The following SPG11 variants were observed in gnomAD, a reference collection of about 807,000 sequenced individuals.
The protein encoded by SPG11 is SPG11 vesicle trafficking associated, spatacsin.
In SPG11, 222 loss-of-function variants were observed where a neutral mutation model predicts 274.0. The ratio of observed to expected loss-of-function variants is 0.81; its 90% confidence interval spans 0.73 to 0.91. SPG11 has a LOEUF of 0.91. Ranked by LOEUF, SPG11 falls within the 40% of genes least tolerant of loss-of-function variation. The pLI is 0.00. For synonymous variants in SPG11, 1,144 were observed against 1,039.7 expected (o/e 1.10, Z -1.93); for missense variants, 3,114 against 2,872.7 (o/e 1.08, Z -1.92).
At chr15:44,594,596 G>GA (rs35547796) in intron 26 of SPG11, among the ~76,000 whole-genome samples, 2,038 of 71,002 alleles carry the variant, frequency 0.029, 50 homozygotes, top group Non-Finnish European at 0.032. Context: ...TTAAAAATGC[G>GA]AAAAAAAAAA....
At position 44,596,115 on chromosome 15, in the gene SPG11, G is replaced by C. The variant is rs2083030697; in HGVS notation, c.4402C>G (p.Pro1468Ala). 6.2e-7 allele frequency: 1 copy of C among 1,613,868 alleles called. No individual in the cohort carries two copies. Among genetic ancestry groups the C allele is most frequent in the Non-Finnish European group, 8.5e-7 (1 of 1,180,030 alleles). The change falls in exon 25 of 40, where the codon CCT (proline) becomes GCT (alanine). Residue 1468 changes from proline (P) to alanine (A), a missense_variant. Coordinates refer to ENST00000261866, the MANE Select transcript of SPG11 (RefSeq NM_025137.4). The stretch of plus-strand genomic sequence containing the variant: ...CATGAGGCCAGAACACTGAGGATAG[G>C]GGCCTGTTGTTTCACTGCTTCAACC... The part of the protein sequence containing the change: ...LLVEAVKQQA[P>A]ILSVLASCLQ...
intron 7 of SPG11, among the ~76,000 whole-genome samples, chr15:44,635,034 G>C (rs766609829): frequency 1.9e-4 from 28 of 150,910 alleles, no homozygotes; most frequent in African/African-American, 6.8e-4. Context: ...TGGCTAACAC[G>C]GTGAAACCCC....
chr15:44,659,204 C>G lies in SPG11; in HGVS notation c.542G>C (p.Arg181Thr). The G allele has an allele frequency of 6.2e-7, 1 of 1,614,178 alleles. No individual in the cohort carries two copies. The highest frequency in any genetic ancestry group is 8.5e-7 in the Non-Finnish European group (1 of 1,180,006). ...GTTGAGTACTCTAATTGCAGCATCTCTTTCAGGAAATATAATATGTAGGAT... is the reference window on the plus strand; with the variant it reads ...GTTGAGTACTCTAATTGCAGCATCTGTTTCAGGAAATATAATATGTAGGAT... ...CVILHIIFPERDAAIRVLNCF... is the reference protein window; with the variant it reads ...CVILHIIFPETDAAIRVLNCF... Residue 181 changes from arginine to threonine, a missense_variant, in exon 3 of 40, where the codon AGA (arginine) becomes ACA (threonine). Physicochemically the swap from Arg to Thr is moderately conservative, Grantham distance 71. Transcript: ENST00000261866.
In SPG11 at chr15:44,652,139, G is replaced by A; in HGVS notation, c.997C>T (p.Gln333Ter). 1 of 1,614,078 alleles carries A rather than the reference G, an allele frequency of 6.2e-7. No individual in the cohort carries two copies. Among genetic ancestry groups the A allele is most frequent in the Non-Finnish European group, 8.5e-7 (1 of 1,179,996 alleles). Residue 333 changes from glutamine (Q) to a stop codon, truncating the protein, a stop_gained, in exon 5 of 40, where the codon CAA becomes TAA. Coordinates refer to ENST00000261866, the MANE Select transcript of SPG11 (RefSeq NM_025137.4). LOFTEE classifies it high-confidence loss of function. ...YNMKLAKFSF[Q>*]IDRSWKAQLS... is the part of the protein sequence containing the mutation. ...AGGAAGTTTCTGTACCTATCAATTT[G>A]GAAGGAAAACTTGGCCAGTTTCATG...
chr15:44,622,391 A>G, intron 12 of SPG11, 44 bp from the exon 13 acceptor site: 2 of 1,474,158 alleles, frequency 1.4e-6, no homozygotes. Context: ...CAAAAAATCA[A>G]GCACTTTTGC....
chr15:44,626,365 T>C lies in SPG11; in HGVS notation c.2210A>G (p.Asn737Ser), dbSNP rs772246656. Residue 737 changes from asparagine (N) to serine (S), a missense_variant, in exon 11 of 40, where the codon AAT becomes AGT. Coordinates refer to ENST00000261866, the MANE Select transcript of SPG11 (RefSeq NM_025137.4). Reference sequence around the variant, plus strand: ...CAAAAGTTCAGAGGCTTCCTTTATATTGTTCTTTTTTAAATTGTCAAAGAC... The same window carrying C: ...CAAAAGTTCAGAGGCTTCCTTTATACTGTTCTTTTTTAAATTGTCAAAGAC... ...NLVFDNLKKN[N>S]IKEASELLKN... 2 of 1,613,380 alleles carry C rather than the reference T, an allele frequency of 1.2e-6. No homozygotes were observed. Among genetic ancestry groups the C allele is most frequent in the Non-Finnish European group, 1.7e-6 (2 of 1,179,840 alleles).
At chr15:44,608,287 G>A (rs1242491363) in intron 19 of SPG11, among the ~76,000 whole-genome samples, 157 bp downstream of exon 19, 1 of 152,002 alleles carries the variant, frequency 6.6e-6, no homozygotes. Context: ...GTTATTTTTG[G>A]GTTGTCTCAC....
At position 44,659,155 on chromosome 15, in the gene SPG11, T is replaced by C. The variant is rs1275278275; in HGVS notation, c.591A>G (p.Ala197=). 6.2e-7 allele frequency: 1 copy of C among 1,614,192 alleles called. No homozygotes were observed. Among genetic ancestry groups the C allele is most frequent in the Non-Finnish European group, 8.5e-7 (1 of 1,180,010 alleles). ...VLNCFTLPLP[A]QAVDMIIDTQ... is the part of the protein sequence containing the mutation. ...TGTCAATAATCATGTCCACTGCCTGTGCAGGCAAGGGAAGTGTGAAACAGT... is the reference window on the plus strand; with the variant it reads ...TGTCAATAATCATGTCCACTGCCTGCGCAGGCAAGGGAAGTGTGAAACAGT... Residue 197 remains alanine, a synonymous_variant, in exon 3 of 40, where the codon GCA becomes GCG. Transcript: ENST00000261866.
rs1173381491 is a variant in SPG11 at position 44,583,846 on chromosome 15, G to T, written c.5834C>A (p.Ala1945Glu). Reference protein sequence around the residue: ...LQSAELLEEEAPDIPLRRVHS... With the variant: ...LQSAELLEEEEPDIPLRRVHS... ...GACTCTCCTTAGGGGAATGTCGGGTGCTTCTTCCTCAAGCAGCTCAGCACT... is the reference window on the plus strand; with the variant it reads ...GACTCTCCTTAGGGGAATGTCGGGTTCTTCTTCCTCAAGCAGCTCAGCACT... Residue 1945 changes from alanine (A) to glutamate (E), a missense_variant, in exon 30 of 40, where the codon GCA becomes GAA. Ala to Glu is a moderately radical substitution (Grantham distance 107). Transcript: ENST00000261866. 1.2e-6 allele frequency: 2 copies of T among 1,614,030 alleles called. No individual in the cohort carries two copies. The highest frequency in any genetic ancestry group is 1.7e-6 in the Non-Finnish European group (2 of 1,180,040).
Position 44,584,278 on chromosome 15 carries a change from A to T in SPG11, c.5402T>A (p.Ile1801Asn), listed in dbSNP as rs774357962. 6.2e-7 allele frequency: 1 copy of T among 1,613,470 alleles called. No homozygotes were observed. Among genetic ancestry groups the T allele is most frequent in the African/African-American group, 1.3e-5 (1 of 74,858 alleles). The change falls in exon 30 of 40, where the codon ATC becomes AAC. Residue 1801 changes from isoleucine (I) to asparagine (N), a missense_variant. Transcript: ENST00000261866. ...GTGCTGGGTGATGCGGCACAGCCAG[A>T]TCTGCTTCTCCAGCTCCTCCAGCTT... ...LDKLEELEKQ[I>N]WLCRITQHTL... is the part of the protein sequence containing the mutation.
At chr15:44,578,993 T>C (rs1263336473) in intron 30 of SPG11, among the ~76,000 whole-genome samples, 2 of 151,194 alleles carry the variant, frequency 1.3e-5, no homozygotes, top group African/African-American at 4.9e-5. Flanking sequence ...CTGTCTCTAC[T>C]AAAAATACAA....
intron 11 of SPG11, 135 bp downstream of exon 11, chr15:44,626,196 G>T: frequency 1.3e-6 from 1 of 754,722 alleles, no homozygotes. Context: ...TGTTATTAAT[G>T]TCATTATTTC....
intron 38 of SPG11, among the ~76,000 whole-genome samples, chr15:44,565,251 G>C (rs540015296): frequency 6.6e-6 from 1 of 152,350 alleles, no homozygotes; most frequent in African/African-American, 2.4e-5. Context: ...ACCAGCAAGA[G>C]TATTACTCTG....
At chr15:44,626,261 C>T in intron 11 of SPG11, 70 bp downstream of exon 11, 1 of 1,369,568 alleles carries the variant, frequency 7.3e-7, no homozygotes, top group Non-Finnish European at 9.9e-7. Context: ...ATTATGAATA[C>T]AAACCAATTT....
In SPG11 at chr15:44,583,911, A is replaced by G. The variant is rs1313485862; in HGVS notation, c.5769T>C (p.Ser1923=). The part of the protein sequence containing the change: ...HCRALASGEA[S]MEDLHPEIHA... ...GGATCTCTGGGTGCAGATCCTCCATACTAGCTTCCCCTGAGGCCAGTGCTC... is the reference window on the plus strand; with the variant it reads ...GGATCTCTGGGTGCAGATCCTCCATGCTAGCTTCCCCTGAGGCCAGTGCTC... The change falls in exon 30 of 40, where the codon AGT becomes AGC. Residue 1923 remains serine, a synonymous_variant. Transcript: ENST00000261866. The G allele has an allele frequency of 1.9e-6, 3 of 1,614,072 alleles. No individual in the cohort carries two copies. The highest frequency in any genetic ancestry group is 2.5e-6 in the Non-Finnish European group (3 of 1,180,010).
chr15:44,578,719 A>G (rs1412157748), intron 30 of SPG11, among the ~76,000 whole-genome samples: 2 of 152,234 alleles, frequency 1.3e-5, no homozygotes, highest in African/African-American at 4.8e-5. Context: ...TAATGTTAAA[A>G]CCACAATGCA....
intron 30 of SPG11, among the ~76,000 whole-genome samples, chr15:44,583,185 A>G (rs1298176528): frequency 1.3e-5 from 2 of 152,240 alleles, no homozygotes; most frequent in African/African-American, 4.8e-5. Context: ...GTAACATAAA[A>G]AACAGATTTC....
chr15:44,574,750 GAT>G, intron 31 of SPG11, 150 bp downstream of exon 31: 1 of 988,612 alleles, frequency 1.0e-6, no homozygotes, highest in East Asian at 2.5e-5. Context: ...ATTCCCCAAA[GAT>G]AAAATTATGA....
intron 7 of SPG11, among the ~76,000 whole-genome samples, chr15:44,638,045 T>G (rs2084329520): frequency 6.6e-6 from 1 of 152,188 alleles, no homozygotes; most frequent in African/African-American, 2.4e-5. Context: ...AAAATGAACC[T>G]AAATACATAA....
Sources: allele counts gnomAD v4.1 joint callset (sites outside exome capture counted in the v4.1 genomes callset), GRCh38; gene constraint gnomAD v4.1.1; transcripts MANE v1.5; gene names NCBI Gene and HGNC (gene_info 2026-07-23, HGNC 2026-07-21).